The following SLC24A3 variants were observed in gnomAD, a reference collection of about 807,000 sequenced individuals.
The protein encoded by SLC24A3 is solute carrier family 24 member 3.
Under a neutral mutation model 75.8 loss-of-function variants are expected in SLC24A3, and 28 were observed. The ratio of observed to expected loss-of-function variants is 0.37; its 90% CI spans 0.27 to 0.51. SLC24A3 has a LOEUF of 0.51. SLC24A3 is among the 20% of genes least tolerant of loss of function. The pLI is 0.94. For missense variants in SLC24A3, 663 were observed against 847.8 expected (o/e 0.78, Z 2.71); for synonymous variants, 372 against 334.1 (o/e 1.11, Z -1.24).
At chr20:19,458,363 A>T (rs1987614852) in intron 2 of SLC24A3, among the ~76,000 whole-genome samples, 1 of 152,198 alleles carries the variant, frequency 6.6e-6, no homozygotes, top group Non-Finnish European at 1.5e-5. Context: ...GGTTTTTAAA[A>T]TTGTCGTAAA....
intron 2 of SLC24A3, among the ~76,000 whole-genome samples, chr20:19,466,910 G>A (rs759139500): frequency 6.6e-6 from 1 of 152,094 alleles, no homozygotes; most frequent in Non-Finnish European, 1.5e-5. Context: ...TACATGTCAG[G>A]GCTTATTCTG....
At chr20:19,525,583 T>C (rs2030184326) in intron 3 of SLC24A3, among the ~76,000 whole-genome samples, 1 of 152,096 alleles carries the variant, frequency 6.6e-6, no homozygotes, top group African/African-American at 2.4e-5. Context: ...CCAGCTCCTA[T>C]CTATTGTCTG....
At position 19,476,259 on chromosome 20, in the gene SLC24A3, C is replaced by T. The variant is rs114855091; in HGVS notation, c.272-39229C>T. ...TGTTGGTAGTTAAAAATAATATGTC[C>T]GAGCTTGCCTCAGGTGTAAATCCTG... is the stretch of plus-strand genomic sequence containing the variant. On this transcript the variant is annotated intron_variant, in intron 2 of 16. Transcript: ENST00000328041. 3.3e-3 allele frequency among the ~76,000 whole-genome samples: 503 copies of T among 152,216 alleles called. 3 individuals carry two copies. The highest frequency in any genetic ancestry group is 0.011 in the African/African-American group (476 of 41,498).
chr20:19,346,891 T>C lies in SLC24A3; in HGVS notation c.271+65804T>C, dbSNP rs116556938. 6.2e-3 allele frequency among the ~76,000 whole-genome samples: 944 copies of C among 152,170 alleles called. 9 individuals are homozygous for C. Among genetic ancestry groups the C allele is most frequent in the African/African-American group, 0.021 (890 of 41,518 alleles). ...AGAGTAATTATATAAAGATCACTGT[T>C]TAAACACACAAACAGTAAAAGAATA... On this transcript the variant is annotated intron_variant, in intron 2 of 16. Coordinates refer to ENST00000328041, the MANE Select transcript of SLC24A3 (RefSeq NM_020689.4).
At chr20:19,431,027 G>A (rs547508427) in intron 2 of SLC24A3, among the ~76,000 whole-genome samples, 1 of 152,058 alleles carries the variant, frequency 6.6e-6, no homozygotes, top group Admixed American at 6.5e-5. Context: ...TCTCTGCTGG[G>A]GGCAAAAGGA....
intron 2 of SLC24A3, 66 bp from the exon 3 acceptor site, chr20:19,515,422 C>T (rs1011973814): frequency 1.3e-6 from 2 of 1,496,436 alleles, no homozygotes; most frequent in Non-Finnish European, 1.9e-6. Context: ...AACCAAGACT[C>T]CCAGACCTAC....
intron 12 of SLC24A3, among the ~76,000 whole-genome samples, chr20:19,686,302 A>G (rs1014695660): frequency 6.6e-6 from 1 of 152,212 alleles, no homozygotes; most frequent in Non-Finnish European, 1.5e-5. Context: ...AGAAGCTTTC[A>G]GGACCTCAGC....
chr20:19,518,270 A>AT (rs1349277128), intron 3 of SLC24A3, among the ~76,000 whole-genome samples: 5 of 152,172 alleles, frequency 3.3e-5, no homozygotes, highest in African/African-American at 1.2e-4. Flanking sequence ...TCTAGAAAGC[A>AT]CTTTTTGAGC....
chr20:19,234,677 G>C (rs1375581181), intron 1 of SLC24A3, among the ~76,000 whole-genome samples: 3 of 152,194 alleles, frequency 2.0e-5, no homozygotes, highest in African/African-American at 7.2e-5. Context: ...AGGTGCACAG[G>C]AGCACCGTGA....
At position 19,260,129 on chromosome 20, in the gene SLC24A3, T is replaced by C. The variant is rs1226039190; in HGVS notation, c.143-20830T>C. Among the ~76,000 whole-genome samples the C allele has an allele frequency of 2.6e-5, 4 of 152,204 alleles. No individual in the cohort carries two copies. In the East Asian group the frequency reaches 7.7e-4, roughly 29 times the overall value. Reference sequence around the variant, plus strand: ...TCAACTTCATCATTGTTATTTTTTCTTTTTCTCTTTTTTCCCATTATATTC... The same window carrying C: ...TCAACTTCATCATTGTTATTTTTTCCTTTTCTCTTTTTTCCCATTATATTC... On this transcript the variant is annotated intron_variant, in intron 1 of 16. Transcript: ENST00000328041.
At chr20:19,512,524 A>C (rs762551040) in intron 2 of SLC24A3, among the ~76,000 whole-genome samples, 2 of 152,232 alleles carry the variant, frequency 1.3e-5, no homozygotes, top group Non-Finnish European at 2.9e-5. Flanking sequence ...TGGGATACAC[A>C]TATCTGCAGT....
intron 2 of SLC24A3, among the ~76,000 whole-genome samples, chr20:19,474,849 C>T (rs972061040): frequency 2.0e-5 from 3 of 152,090 alleles, no homozygotes; most frequent in Admixed American, 6.5e-5. Context: ...AACTTTAAAC[C>T]CTTTGACCAA....
chr20:19,467,235 G>A lies in SLC24A3; in HGVS notation c.272-48253G>A, dbSNP rs1362296321. Among the ~76,000 whole-genome samples the A allele has an allele frequency of 2.6e-5, 4 of 152,202 alleles. No individual in the cohort carries two copies. The East Asian group carries it at 7.7e-4, about 29-fold the overall frequency. On this transcript the variant is annotated intron_variant, in intron 2 of 16. Transcript: ENST00000328041. ...TGGTAGTGGTGATAGAGATAGAAGA[G>A]AGCAGATGTGCAACATATATTTGAG...
intron 3 of SLC24A3, among the ~76,000 whole-genome samples, chr20:19,517,596 G>A (rs937643072): frequency 2.6e-5 from 4 of 152,168 alleles, no homozygotes; most frequent in Non-Finnish European, 4.4e-5. Context: ...ACTGGAATCC[G>A]ATGCCACTGT....
intron 2 of SLC24A3, among the ~76,000 whole-genome samples, chr20:19,401,599 T>G (rs781180930): frequency 1.3e-5 from 2 of 152,192 alleles, no homozygotes; most frequent in Non-Finnish European, 2.9e-5. Flanking sequence ...ATTAGGAACC[T>G]GATTGGAGAG....
At chr20:19,218,937 T>G (rs1981634563) in intron 1 of SLC24A3, among the ~76,000 whole-genome samples, 1 of 152,194 alleles carries the variant, frequency 6.6e-6, no homozygotes, top group Non-Finnish European at 1.5e-5. Context: ...TTCCCAAAGT[T>G]GCAAAGCAAA....
chr20:19,372,829 A>C (rs1160266553), intron 2 of SLC24A3, among the ~76,000 whole-genome samples: 1 of 152,034 alleles, frequency 6.6e-6, no homozygotes, highest in Non-Finnish European at 1.5e-5. Flanking sequence ...CACCGGTACA[A>C]CCAGCACATT....
At chr20:19,577,967 A>T (rs907854078) in intron 3 of SLC24A3, among the ~76,000 whole-genome samples, 2 of 152,224 alleles carry the variant, frequency 1.3e-5, no homozygotes, top group Non-Finnish European at 2.9e-5. Flanking sequence ...CTAGTGTTAA[A>T]GTATACTTTA....
At chr20:19,680,562 T>C (rs1427250903) in intron 9 of SLC24A3, among the ~76,000 whole-genome samples, 1 of 152,210 alleles carries the variant, frequency 6.6e-6, no homozygotes, top group Admixed American at 6.5e-5. Context: ...GGTTGCAAAA[T>C]AGTGGTGTTC....
Sources: allele counts gnomAD v4.1 joint callset (sites outside exome capture counted in the v4.1 genomes callset), GRCh38; gene constraint gnomAD v4.1.1; transcripts MANE v1.5; gene names NCBI Gene and HGNC (gene_info 2026-07-23, HGNC 2026-07-21).